Variants in ADGRB3 observed in about 807,000 individuals in gnomAD.
The protein encoded by ADGRB3 is adhesion G protein-coupled receptor B3, also known as brain-specific angiogenesis inhibitor 3.
Under a neutral mutation model 193.4 loss-of-function variants are expected in ADGRB3, and 37 were observed. That is an observed-to-expected ratio of 0.19 (90% CI 0.15 to 0.25). The LOEUF (loss-of-function observed/expected upper bound fraction) is 0.25, where lower values mean the gene tolerates loss of function less well. ADGRB3 is among the 10% of genes least tolerant of loss of function. The probability of loss-of-function intolerance (pLI) is 1.00; values close to 1 mark genes in which losing one functional copy is unlikely to be tolerated. For missense variants in ADGRB3, 1,637 were observed against 1,852.9 expected (o/e 0.88, Z 2.14); for synonymous variants, 690 against 644.2 (o/e 1.07, Z -1.08).
In ADGRB3 at chr6:68,694,547, G is replaced by C. The variant is rs143939104; in HGVS notation, c.757+55115G>C. Among the ~76,000 whole-genome samples the C allele has an allele frequency of 1.6e-3, 248 of 152,036 alleles. 1 individual carries two copies. The highest frequency in any genetic ancestry group is 1.3e-3 in the Non-Finnish European group (91 of 67,942). ...TTTTAGTCTTCTGACTACACACACA[G>C]ATGTCTGCTGAGATGTCCATTATCC... On this transcript the variant is annotated intron_variant, in intron 3 of 31. Transcript: ENST00000370598.
intron 3 of ADGRB3, among the ~76,000 whole-genome samples, chr6:68,644,775 G>A (rs1001360777): frequency 6.6e-6 from 1 of 152,138 alleles, no homozygotes; most frequent in African/African-American, 2.4e-5. Context: ...CCATTACATG[G>A]TAGCATATTT....
In ADGRB3 at chr6:69,355,841, A is replaced by C; in HGVS notation, c.3576A>C (p.Val1192=). Residue 1192 remains valine (V), a synonymous_variant, in exon 28 of 32, where the codon GTA becomes GTC. Transcript: ENST00000370598. ...TACAGACAGACTTTGAAAAGGATGTAGACATTGCCTGTCGATCAGGTAAGA... is the reference window on the plus strand; with the variant it reads ...TACAGACAGACTTTGAAAAGGATGTCGACATTGCCTGTCGATCAGGTAAGA... The part of the protein sequence containing the change: ...AQIMTDFEKD[V]DIACRSVLHK... The C allele has an allele frequency of 6.2e-7, 1 of 1,608,382 alleles. No homozygotes were observed. The highest frequency in any genetic ancestry group is 8.5e-7 in the Non-Finnish European group (1 of 1,175,362).
At chr6:68,953,302 C>T (rs984972533) in intron 6 of ADGRB3, among the ~76,000 whole-genome samples, 1 of 152,182 alleles carries the variant, frequency 6.6e-6, no homozygotes, top group Non-Finnish European at 1.5e-5. Flanking sequence ...TCACTCAGCA[C>T]TAAGATTAGC....
At chr6:69,229,416 G>A (rs1250141155) in intron 17 of ADGRB3, among the ~76,000 whole-genome samples, 1 of 152,080 alleles carries the variant, frequency 6.6e-6, no homozygotes, top group Non-Finnish European at 1.5e-5. Flanking sequence ...TACAATGTGA[G>A]GGTAGTGTAG....
At chr6:69,292,516 TG>T (rs764741850) in intron 20 of ADGRB3, among the ~76,000 whole-genome samples, 4 of 152,180 alleles carry the variant, frequency 2.6e-5, no homozygotes, top group Non-Finnish European at 5.9e-5. Flanking sequence ...TTGTTTTATA[TG>T]GCATTCCTTG....
At chr6:69,198,468 G>A (rs896048666) in intron 17 of ADGRB3, among the ~76,000 whole-genome samples, 3 of 152,076 alleles carry the variant, frequency 2.0e-5, no homozygotes, top group South Asian at 2.1e-4. Flanking sequence ...GGGATGATGA[G>A]GTGATGTTTT....
chr6:68,960,424 A>G (rs1308806379), intron 8 of ADGRB3, among the ~76,000 whole-genome samples: 25 of 152,266 alleles, frequency 1.6e-4, no homozygotes, highest in Admixed American at 1.4e-3. Flanking sequence ...TAGTGTTGGT[A>G]ATGCAAAATT....
intron 11 of ADGRB3, among the ~76,000 whole-genome samples, chr6:69,008,480 C>G (rs1280883625): frequency 6.6e-6 from 1 of 152,010 alleles, no homozygotes; most frequent in Admixed American, 6.6e-5. Context: ...TAGTGATGCC[C>G]TTTCTTCATT....
intron 3 of ADGRB3, among the ~76,000 whole-genome samples, chr6:68,826,653 C>T (rs1037912263): frequency 6.6e-6 from 1 of 152,018 alleles, no homozygotes; most frequent in African/African-American, 2.4e-5. Context: ...GCAGGGACAC[C>T]CCAGGAGGCT....
rs988471592 is a variant in ADGRB3, at chr6:69,230,899, T to C, written c.2481-2391T>C. Among the ~76,000 whole-genome samples, 8 of 152,352 alleles carry C rather than the reference T, an allele frequency of 5.3e-5. No homozygotes were observed. In the East Asian group the frequency reaches 1.2e-3, roughly 22 times the overall value. On this transcript the variant is annotated intron_variant, in intron 17 of 31. Transcript: ENST00000370598. ...GCTGTACTCACTCACTCAGATGCTA[T>C]TGTATGTTAGTTTAATCAGATAAAG...
chr6:68,787,051 G>T (rs1383372215), intron 3 of ADGRB3, among the ~76,000 whole-genome samples: 1 of 152,114 alleles, frequency 6.6e-6, no homozygotes. Flanking sequence ...AGGAGATTTT[G>T]GGCTGAGATG....
At chr6:68,679,094 T>C (rs1764830178) in intron 3 of ADGRB3, among the ~76,000 whole-genome samples, 1 of 152,190 alleles carries the variant, frequency 6.6e-6, no homozygotes, top group Non-Finnish European at 1.5e-5. Flanking sequence ...AATTCTCTAA[T>C]TTCTAAATTA....
intron 3 of ADGRB3, among the ~76,000 whole-genome samples, chr6:68,876,163 C>A (rs992396049): frequency 6.6e-6 from 1 of 152,062 alleles, no homozygotes. Flanking sequence ...TCTTAAGGAA[C>A]GTCCTGTCTA....
chr6:69,210,763 G>A (rs1343872488), intron 17 of ADGRB3, among the ~76,000 whole-genome samples: 1 of 152,018 alleles, frequency 6.6e-6, no homozygotes, highest in Non-Finnish European at 1.5e-5. Flanking sequence ...GTTTTGGAGG[G>A]GACGTTCAAA....
At chr6:68,664,897 A>C (rs1159615705) in intron 3 of ADGRB3, among the ~76,000 whole-genome samples, 1 of 151,752 alleles carries the variant, frequency 6.6e-6, no homozygotes, top group Non-Finnish European at 1.5e-5. Flanking sequence ...CAGTGAGTGG[A>C]CTGCAGCAGC....
intron 3 of ADGRB3, among the ~76,000 whole-genome samples, chr6:68,717,202 G>A (rs1179871476): frequency 3.3e-5 from 5 of 151,598 alleles, no homozygotes; most frequent in South Asian, 2.1e-4. Flanking sequence ...TACTTCTGCC[G>A]TATCAACAGT....
chr6:69,382,900 G>T lies in ADGRB3; in HGVS notation c.4345G>T (p.Asp1449Tyr). 6.2e-7 allele frequency: 1 copy of T among 1,608,984 alleles called. No homozygotes were observed. The highest frequency in any genetic ancestry group is 1.1e-5 in the South Asian group (1 of 90,740). The change falls in exon 31 of 32, where the codon GAC (aspartate) becomes TAC (tyrosine). Residue 1449 changes from aspartate (D) to tyrosine (Y), a missense_variant. Physicochemically the swap from Asp to Tyr is radical, Grantham distance 160. Around this residue, in one of 7 missense-constraint regions of ADGRB3, gnomAD observed 368 missense variants for 367.4 expected, o/e 1.00. Transcript: ENST00000370598. The part of the protein sequence containing the change: ...QELNQKFQTL[D>Y]RFRDIPNTSS... ...ACTAAATCAGAAATTTCAAACTTTG[G>T]ACAGATTTCGGGATATACCAAATAC...
chr6:69,078,599 C>G (rs1772300120), intron 17 of ADGRB3, among the ~76,000 whole-genome samples: 1 of 151,924 alleles, frequency 6.6e-6, no homozygotes, highest in Non-Finnish European at 1.5e-5. Context: ...ATTTACTATT[C>G]TCTATATTGA....
intron 17 of ADGRB3, among the ~76,000 whole-genome samples, chr6:69,176,598 GGT>G (rs1297694303): frequency 6.6e-6 from 1 of 151,734 alleles, no homozygotes; most frequent in Admixed American, 6.6e-5. Context: ...CCTGCTGTGT[GGT>G]GTCTTTGCCA....
Sources: gnomAD v4.1 joint callset for allele counts (sites outside exome capture counted in the v4.1 genomes callset) on GRCh38, gnomAD v4.1.1 for gene constraint, gnomAD v4.1.1 regional missense constraint, MANE v1.5 for transcripts, NCBI Gene and HGNC (gene_info 2026-07-23, HGNC 2026-07-21) for gene names.